SMYD3: variants seen among roughly 807,000 people sequenced by gnomAD.
SMYD3 encodes histone-lysine N-methyltransferase SMYD3.
Under a neutral mutation model 57.7 loss-of-function variants are expected in SMYD3, and 36 were observed. The observed-to-expected ratio is 0.62, with a 90% CI of 0.48 to 0.82. The LOEUF (loss-of-function observed/expected upper bound fraction) is 0.82. Ranked by LOEUF, SMYD3 falls within the 40% of genes least tolerant of loss-of-function variation. The pLI is 0.00. For missense variants in SMYD3, 515 were observed against 538.8 expected (o/e 0.96, Z 0.44); for synonymous variants, 211 against 195.0 (o/e 1.08, Z -0.68).
At chr1:246,173,047 C>T (rs1371922161) in intron 5 of SMYD3, among the ~76,000 whole-genome samples, 393 of 93,800 alleles carry the variant, frequency 4.2e-3, no homozygotes, top group Middle Eastern at 0.04. Flanking sequence ...TTATCAACAC[C>T]GCACACTTAG....
Position 245,772,777 on chromosome 1 carries a change from A to G in SMYD3, c.1077-8628T>C, listed in dbSNP as rs148498597. Among the ~76,000 whole-genome samples the G allele has an allele frequency of 2.5e-3, 376 of 152,344 alleles. 2 individuals are homozygous for G. The highest frequency in any genetic ancestry group is 0.023 in the East Asian group (119 of 5,192). ...GAATCTTTAATCAGATAAGAATAAA[A>G]GAGACTTTCAATTATCTGAAATGTC... On this transcript the variant is annotated intron_variant, in intron 10 of 11. Coordinates refer to ENST00000490107, the MANE Select transcript of SMYD3 (RefSeq NM_001167740.2).
At chr1:246,092,153 C>A (rs995890352) in intron 5 of SMYD3, among the ~76,000 whole-genome samples, 2 of 152,084 alleles carry the variant, frequency 1.3e-5, no homozygotes, top group African/African-American at 4.8e-5. Flanking sequence ...TTGATAAAAT[C>A]TGATTAATTA....
intron 1 of SMYD3, among the ~76,000 whole-genome samples, chr1:246,434,317 C>T (rs1283924299): frequency 2.0e-5 from 3 of 152,156 alleles, no homozygotes; most frequent in African/African-American, 7.2e-5. Context: ...AGCATCTGCA[C>T]AGCAAAAGAA....
rs373983155 is a variant in SMYD3, at chr1:246,229,245, TTCC to T, written c.531+97953_531+97955del. ...TGAGAAATTCTACATTTGGTTTTTG[TTCC>T]TCATCTTATCATCCTGCAATAATTC... On this transcript the variant is annotated intron_variant, in intron 5 of 11. Coordinates refer to ENST00000490107, the MANE Select transcript of SMYD3 (RefSeq NM_001167740.2). Among the ~76,000 whole-genome samples the T allele has an allele frequency of 2.9e-3, 438 of 152,314 alleles. 3 individuals carry two copies. The highest frequency in any genetic ancestry group is 4.8e-3 in the Non-Finnish European group (329 of 68,022).
chr1:246,355,015 G>A lies in SMYD3; in HGVS notation c.228+16C>T. 1 of 1,612,596 alleles carries A rather than the reference G, an allele frequency of 6.2e-7. No individual in the cohort carries two copies. Among genetic ancestry groups the A allele is most frequent in the Non-Finnish European group, 8.5e-7 (1 of 1,178,724 alleles). The stretch of plus-strand genomic sequence containing the variant: ...GAATTTGAAAGCTTCACTTATATAT[G>A]GCTGAAAAGTCTTACCTGACACTTA... On this transcript the variant is annotated intron_variant, in intron 2 of 11. Transcript: ENST00000490107. This position sits in a 1 kb window ranked among gnomAD's most constrained non-coding sequence, Gnocchi z 5.0.
intron 10 of SMYD3, among the ~76,000 whole-genome samples, chr1:245,856,368 T>G (rs2051241053): frequency 6.6e-6 from 1 of 152,118 alleles, no homozygotes; most frequent in Non-Finnish European, 1.5e-5. Flanking sequence ...AAAAAGCAAC[T>G]CAACACACGC....
At chr1:246,243,389 T>C (rs1394844733) in intron 5 of SMYD3, among the ~76,000 whole-genome samples, 3 of 107,198 alleles carry the variant, frequency 2.8e-5, no homozygotes. Flanking sequence ...TTTTAAATCA[T>C]GTGATTCAAC....
At chr1:246,472,457 A>C (rs1261977275) in intron 1 of SMYD3, among the ~76,000 whole-genome samples, 1 of 152,206 alleles carries the variant, frequency 6.6e-6, no homozygotes, top group Non-Finnish European at 1.5e-5. Flanking sequence ...TAAAATGGCA[A>C]ATAGGCTGGG....
At chr1:246,504,660 C>T (rs2068508301) in intron 1 of SMYD3, among the ~76,000 whole-genome samples, 1 of 152,116 alleles carries the variant, frequency 6.6e-6, no homozygotes, top group Non-Finnish European at 1.5e-5. Context: ...CTAACATTTT[C>T]ATTCCATACT....
intron 10 of SMYD3, among the ~76,000 whole-genome samples, chr1:245,852,337 G>C (rs548870248): frequency 6.6e-6 from 1 of 152,248 alleles, no homozygotes; most frequent in Admixed American, 6.5e-5. Context: ...TAGGTTCAGT[G>C]CTGGAACCAC....
At chr1:246,121,001 T>A (rs2061416103) in intron 5 of SMYD3, among the ~76,000 whole-genome samples, 1 of 152,200 alleles carries the variant, frequency 6.6e-6, no homozygotes. Flanking sequence ...TCCACGTTGC[T>A]ACAGTGGGGA....
intron 8 of SMYD3, among the ~76,000 whole-genome samples, chr1:245,893,306 T>C (rs1298133847): frequency 6.6e-6 from 1 of 152,038 alleles, no homozygotes; most frequent in Non-Finnish European, 1.5e-5. Flanking sequence ...AGTGCAGCAA[T>C]TTCTTATAAA....
chr1:246,133,641 G>A (rs1012107927), intron 5 of SMYD3, among the ~76,000 whole-genome samples: 5 of 152,224 alleles, frequency 3.3e-5, no homozygotes, highest in East Asian at 3.9e-4. Flanking sequence ...AACGGAAGCA[G>A]GGGTGTGGCT....
rs113576257 is a variant in SMYD3 at position 245,880,945 on chromosome 1, A to T, written c.814-17059T>A. ...AGTGTGCTGAGATCAGCACTAAAAA[A>T]GTTCACATTGAGTACGGATACCCAC... On this transcript the variant is annotated intron_variant, in intron 8 of 11. Coordinates refer to ENST00000490107, the MANE Select transcript of SMYD3 (RefSeq NM_001167740.2). 1.7e-3 allele frequency among the ~76,000 whole-genome samples: 257 copies of T among 152,298 alleles called. 4 individuals carry two copies. Among genetic ancestry groups the T allele is most frequent in the African/African-American group, 5.8e-3 (241 of 41,572 alleles).
intron 1 of SMYD3, among the ~76,000 whole-genome samples, chr1:246,397,016 T>C (rs1165777724): frequency 1.3e-5 from 2 of 152,210 alleles, no homozygotes; most frequent in Non-Finnish European, 2.9e-5. Flanking sequence ...ATGTAGAATT[T>C]CTAGAGATTA....
chr1:245,917,512 G>T (rs6682967), intron 7 of SMYD3, among the ~76,000 whole-genome samples: 4 of 151,962 alleles, frequency 2.6e-5, no homozygotes, highest in African/African-American at 9.7e-5. Flanking sequence ...CTGGCCTCCC[G>T]TCTGGCTCCA....
intron 5 of SMYD3, among the ~76,000 whole-genome samples, chr1:246,224,952 T>G (rs2063306750): frequency 6.6e-6 from 1 of 151,980 alleles, no homozygotes; most frequent in African/African-American, 2.4e-5. Context: ...ATGTTGAGTT[T>G]GAGATGCTTT....
intron 10 of SMYD3, among the ~76,000 whole-genome samples, chr1:245,832,197 T>A: frequency 6.6e-6 from 1 of 152,232 alleles, no homozygotes; most frequent in Non-Finnish European, 1.5e-5. Context: ...CTCGTTTATA[T>A]AATGAGTGTC....
At chr1:245,991,421 C>T (rs993938325) in intron 5 of SMYD3, among the ~76,000 whole-genome samples, 1 of 152,246 alleles carries the variant, frequency 6.6e-6, no homozygotes, top group Non-Finnish European at 1.5e-5. Flanking sequence ...AAGCAACCAG[C>T]TAAGTGACTT....
Sources: gnomAD v4.1 joint callset for allele counts (sites outside exome capture counted in the v4.1 genomes callset) on GRCh38, gnomAD v4.1.1 for gene constraint, Gnocchi (gnomAD v3.1) non-coding constraint, MANE v1.5 for transcripts, NCBI Gene and HGNC (gene_info 2026-07-23, HGNC 2026-07-21) for gene names.